Variants in RAB6B observed in about 807,000 individuals in gnomAD.
RAB6B encodes ras-related protein Rab-6B.
RAB6B carries 7 observed loss-of-function variants against 31.2 expected under a neutral mutation model. The observed-to-expected ratio is 0.22, with a 90% confidence interval of 0.13 to 0.42. RAB6B has a LOEUF of 0.42. RAB6B is among the 10% of genes least tolerant of loss of function. The probability of loss-of-function intolerance (pLI) is 1.00; values close to 1 mark genes in which losing one functional copy is unlikely to be tolerated. For missense variants in RAB6B, 149 were observed against 280.6 expected (o/e 0.53, Z 3.35); for synonymous variants, 105 against 104.9 (o/e 1.00, Z -0.01).
intron 1 of RAB6B, 144 bp from the exon 2 acceptor site, chr3:133,864,786 C>T: frequency 3.7e-6 from 3 of 806,678 alleles, no homozygotes; most frequent in East Asian, 2.6e-5. Context: ...GGGAGACAGG[C>T]CCCTGCTAGG....
intron 1 of RAB6B, among the ~76,000 whole-genome samples, chr3:133,866,085 G>A (rs915360107): frequency 6.6e-6 from 1 of 152,188 alleles, no homozygotes; most frequent in African/African-American, 2.4e-5. Flanking sequence ...AAAGACTTCA[G>A]GGGGCTGTAG....
At chr3:133,858,663 T>G (rs1238261782) in intron 2 of RAB6B, among the ~76,000 whole-genome samples, 1 of 152,220 alleles carries the variant, frequency 6.6e-6, no homozygotes, top group African/African-American at 2.4e-5. Context: ...CCTATCTTTA[T>G]CTACAGTCCC....
In RAB6B at chr3:133,825,693, T is replaced by C. The variant is rs954924364; in HGVS notation, c.*3095A>G. The C allele has an allele frequency of 6.6e-6, 1 of 152,204 alleles. No homozygotes were observed. Among genetic ancestry groups the C allele is most frequent in the African/African-American group, 2.4e-5 (1 of 41,448 alleles). 9.4% of individuals were successfully genotyped at this position (152,204 alleles called of 1,614,324 possible). A position where few individuals can be genotyped will look rare whatever the true frequency, so the allele number is the denominator to read the frequency against. On this transcript the variant is annotated 3_prime_UTR_variant, in exon 8 of 8. Coordinates refer to ENST00000285208, the MANE Select transcript of RAB6B (RefSeq NM_016577.4). ...TTGCTTTTTCCATCTTACACTCAAC[T>C]TTCCTGATGCCTGCAGAACAGGAGC... is the stretch of plus-strand genomic sequence containing the variant.
intron 2 of RAB6B, among the ~76,000 whole-genome samples, chr3:133,851,849 C>T (rs1216862846): frequency 6.6e-6 from 1 of 152,130 alleles, no homozygotes; most frequent in African/African-American, 2.4e-5. Context: ...AAATAAAAGA[C>T]GACCTTCATG....
chr3:133,839,969 G>T (rs1935797055), intron 4 of RAB6B, among the ~76,000 whole-genome samples: 1 of 151,934 alleles, frequency 6.6e-6, no homozygotes, highest in African/African-American at 2.4e-5. Context: ...TGAGAACTGG[G>T]TCACACGTGT....
intron 2 of RAB6B, among the ~76,000 whole-genome samples, chr3:133,860,747 G>A (rs1006599524): frequency 5.9e-5 from 9 of 152,240 alleles, no homozygotes; most frequent in African/African-American, 1.7e-4. Flanking sequence ...CCTCCACTCT[G>A]AGAGTGTGTC....
In RAB6B at chr3:133,824,857, T is replaced by C. The variant is rs1226251825; in HGVS notation, c.*3931A>G. ...TGTAATAAATATGGAGTCACATTTG[T>C]TCACACACAGGGCAGCAATGGATGA... On this transcript the variant is annotated 3_prime_UTR_variant, in exon 8 of 8. Coordinates refer to ENST00000285208, the MANE Select transcript of RAB6B (RefSeq NM_016577.4). 1 of 152,138 alleles carries C rather than the reference T, an allele frequency of 6.6e-6. No homozygotes were observed. The highest frequency in any genetic ancestry group is 1.5e-5 in the Non-Finnish European group (1 of 68,024). The allele number at this position is 152,138 out of a possible 1,614,324, so 9.4% of individuals were successfully genotyped here.
intron 1 of RAB6B, among the ~76,000 whole-genome samples, chr3:133,891,157 G>A (rs930056200): frequency 2.0e-5 from 3 of 152,096 alleles, no homozygotes; most frequent in Non-Finnish European, 4.4e-5. Context: ...GTCAGGCTGC[G>A]GGCAGAGGAG....
At chr3:133,891,483 G>A (rs1936636900) in intron 1 of RAB6B, among the ~76,000 whole-genome samples, 1 of 152,218 alleles carries the variant, frequency 6.6e-6, no homozygotes, top group Non-Finnish European at 1.5e-5. Flanking sequence ...CCAGCCCCCA[G>A]AGGCGGGTCA....
chr3:133,848,899 TA>T (rs1156498985), intron 2 of RAB6B, among the ~76,000 whole-genome samples: 1 of 152,186 alleles, frequency 6.6e-6, no homozygotes, highest in Non-Finnish European at 1.5e-5. Flanking sequence ...ATGATCATAT[TA>T]ATATGATCTA....
At chr3:133,849,215 C>T (rs1935945129) in intron 2 of RAB6B, among the ~76,000 whole-genome samples, 1 of 152,194 alleles carries the variant, frequency 6.6e-6, no homozygotes, top group South Asian at 2.1e-4. Context: ...TTAACACTTT[C>T]TCTGTTAAAC....
At chr3:133,863,171 T>C (rs115795288) in intron 2 of RAB6B, among the ~76,000 whole-genome samples, 1,789 of 152,236 alleles carry the variant, frequency 0.012, 38 homozygotes, top group African/African-American at 0.041. Context: ...CCAGGGCCCC[T>C]CTCCCAGAGC....
At chr3:133,842,828 T>C (rs1337096474) in intron 2 of RAB6B, among the ~76,000 whole-genome samples, 4 of 152,230 alleles carry the variant, frequency 2.6e-5, no homozygotes, top group African/African-American at 9.6e-5. Context: ...ATTACACTTT[T>C]CTCTACTTTC....
chr3:133,852,480 T>TC (rs1032711283), intron 2 of RAB6B, among the ~76,000 whole-genome samples: 5 of 150,966 alleles, frequency 3.3e-5, no homozygotes, highest in East Asian at 1.9e-4. Context: ...TTTTTCTTTT[T>TC]TTTTTTTTGA....
At chr3:133,864,752 G>A in intron 1 of RAB6B, 110 bp from the exon 2 acceptor site, 3 of 1,084,818 alleles carry the variant, frequency 2.8e-6, no homozygotes, top group Admixed American at 3.5e-5. Flanking sequence ...CAGGGGAAAG[G>A]CCGAGTTGCA....
rs1021379025 is a variant in RAB6B, at chr3:133,827,797, C to G, written c.*991G>C. 5.7e-6 allele frequency: 2 copies of G among 351,180 alleles called. No homozygotes were observed. Among genetic ancestry groups the G allele is most frequent in the African/African-American group, 4.5e-5 (2 of 44,028 alleles). The allele number at this position is 351,180 out of a possible 1,614,324, so 21.8% of individuals were successfully genotyped here. A position where few individuals can be genotyped will look rare whatever the true frequency, so the allele number is the denominator to read the frequency against. On this transcript the variant is annotated 3_prime_UTR_variant, in exon 8 of 8. Transcript: ENST00000285208. ...CACAGAGGATCAACTCCAGGTGGTC[C>G]AGCTTCCCTGACATCCAGGAGGAAG...
intron 5 of RAB6B, 77 bp from the exon 6 acceptor site, chr3:133,838,336 G>T: frequency 7.5e-7 from 1 of 1,341,284 alleles, no homozygotes; most frequent in Non-Finnish European, 1.1e-6. Context: ...GACCCACCCA[G>T]CAGGGCAGAG....
chr3:133,877,784 A>G (rs1351001140), intron 1 of RAB6B, among the ~76,000 whole-genome samples: 1 of 148,504 alleles, frequency 6.7e-6, no homozygotes, highest in Admixed American at 6.7e-5. Context: ...TAACTTAGTT[A>G]TTATATATAG....
At chr3:133,877,281 C>G (rs994938212) in intron 1 of RAB6B, among the ~76,000 whole-genome samples, 1 of 152,216 alleles carries the variant, frequency 6.6e-6, no homozygotes, top group Non-Finnish European at 1.5e-5. Flanking sequence ...TTCCCTCAAG[C>G]CTTCGGCTGA....
Sources: allele counts gnomAD v4.1 joint callset (sites outside exome capture counted in the v4.1 genomes callset), GRCh38; gene constraint gnomAD v4.1.1; transcripts MANE v1.5; gene names NCBI Gene and HGNC (gene_info 2026-07-23, HGNC 2026-07-21).